The following MAP3K15 variants were observed in gnomAD, a reference collection of about 807,000 sequenced individuals.
The protein encoded by MAP3K15 is mitogen-activated protein kinase kinase kinase 15.
MAP3K15 carries 124 observed loss-of-function variants against 99.5 expected under a neutral mutation model. The ratio of observed to expected loss-of-function variants is 1.25; its 90% CI spans 1.08 to 1.45. The LOEUF is 1.45. Among genes scored for constraint, MAP3K15 ranks in the 40% most tolerant of loss-of-function variants. The pLI is 0.00. For synonymous variants in MAP3K15, 494 were observed against 439.6 expected (o/e 1.12, Z -1.55); for missense variants, 1,242 against 1,079.7 (o/e 1.15, Z -2.11).
At chrX:19,391,392 G>A (rs952482058) in intron 18 of MAP3K15, among the ~76,000 whole-genome samples, 2 of 111,167 alleles carry the variant, frequency 1.8e-5, no homozygotes, top group African/African-American at 6.6e-5. Flanking sequence ...CCTCAGCAGA[G>A]GCCAGGCGCG....
At chrX:19,456,129 A>G (rs1049234996) in intron 6 of MAP3K15, among the ~76,000 whole-genome samples, 1 of 111,228 alleles carries the variant, frequency 9.0e-6, no homozygotes, top group Non-Finnish European at 1.9e-5. Context: ...TGTCTACTAC[A>G]AGCACATGCT....
chrX:19,514,861 A>T, intron 1 of MAP3K15, 40 bp downstream of exon 1: 1 of 832,694 alleles, frequency 1.2e-6, no homozygotes, highest in Non-Finnish European at 1.6e-6. Context: ...GTGTGAGGGT[A>T]GGTGAACTGG....
At chrX:19,424,630 G>A (rs974402398) in intron 9 of MAP3K15, among the ~76,000 whole-genome samples, 9 of 110,240 alleles carry the variant, frequency 8.2e-5, no homozygotes, top group Non-Finnish European at 1.1e-4. Context: ...CCAGCAATCT[G>A]TGTTTTCTTT....
At position 19,431,540 on chromosome X, in the gene MAP3K15, T is replaced by G. The variant is rs1190731555; in HGVS notation, c.1064A>C (p.His355Pro). Residue 355 changes from histidine (H) to proline (P), a missense_variant, in exon 7 of 29, where the codon CAC (histidine) becomes CCC (proline). His to Pro is a moderately conservative substitution (Grantham distance 77). Coordinates refer to ENST00000338883, the MANE Select transcript of MAP3K15 (RefSeq NM_001001671.4). ...CAGGCAGAACATGTCGGGGCCCGGG[T>G]GATCACAGCTCTGCAGAACCTGGAG... Reference protein sequence around the residue: ...IMLQVLQSCDHPGPDMFCLCG... With the variant: ...IMLQVLQSCDPPGPDMFCLCG... 1 of 1,198,957 alleles carries G rather than the reference T, an allele frequency of 8.3e-7. No individual in the cohort carries two copies. Among genetic ancestry groups the G allele is most frequent in the East Asian group, 3.0e-5 (1 of 33,802 alleles).
At chrX:19,442,509 C>T (rs2063965962) in intron 6 of MAP3K15, among the ~76,000 whole-genome samples, 1 of 88,513 alleles carries the variant, frequency 1.1e-5, no homozygotes, top group South Asian at 6.5e-4. Flanking sequence ...TCTTCATTCA[C>T]TTACCCATTC....
intron 1 of MAP3K15, among the ~76,000 whole-genome samples, chrX:19,495,301 C>T (rs974361182): frequency 2.2e-4 from 25 of 112,079 alleles, no homozygotes; most frequent in African/African-American, 7.1e-4. Flanking sequence ...CATGAGCCAC[C>T]GCACCCAGCT....
rs557019222 is a variant in MAP3K15, at chrX:19,394,941, G to A, written c.2194+140C>T. The A allele has an allele frequency of 2.5e-4, 151 of 606,038 alleles. 1 individual carries two copies. In the South Asian group the frequency reaches 3.6e-3, roughly 14 times the overall value. The allele number at this position is 606,038 out of a possible 1,213,427, so 49.9% of individuals were successfully genotyped here. A position where few individuals can be genotyped will look rare whatever the true frequency, so the allele number is the denominator to read the frequency against. ...TGGGCTCAAGTGATCTTCCCATCTCGGCCTCCCAAGTAACTGGGACTACAG... is the reference window on the plus strand; with the variant it reads ...TGGGCTCAAGTGATCTTCCCATCTCAGCCTCCCAAGTAACTGGGACTACAG... On this transcript the variant is annotated intron_variant, in intron 16 of 28. Coordinates refer to ENST00000338883, the MANE Select transcript of MAP3K15 (RefSeq NM_001001671.4).
Position 19,395,148 on chromosome X carries a change from G to A in MAP3K15, c.2127C>T (p.Ile709=), listed in dbSNP as rs745656941. The part of the protein sequence containing the change: ...ALHKYLKHRN[I]VQYLGSVSEN... ...CTGAAACAGAGCCCAGGTACTGAAC[G>A]ATATTGCGGTGCTTAAGGTACTTGT... The change falls in exon 16 of 29, where the codon ATC becomes ATT. Residue 709 remains isoleucine, a synonymous_variant. Transcript: ENST00000338883. 6.6e-6 allele frequency: 8 copies of A among 1,206,040 alleles called. No individual in the cohort carries two copies. The Admixed American group carries it at 8.8e-5, about 13-fold the overall frequency.
At chrX:19,415,425 C>A (rs778780126) in intron 9 of MAP3K15, among the ~76,000 whole-genome samples, 168 bp from the exon 10 acceptor site, 3 of 112,222 alleles carry the variant, frequency 2.7e-5, no homozygotes, top group African/African-American at 9.7e-5. Context: ...TAAGAAAACA[C>A]GAGCAGTAGG....
At chrX:19,416,850 C>G (rs897371653) in intron 9 of MAP3K15, among the ~76,000 whole-genome samples, 1 of 112,070 alleles carries the variant, frequency 8.9e-6, no homozygotes, top group Non-Finnish European at 1.9e-5. Flanking sequence ...GCCCCTAACT[C>G]CCACATTGTT....
intron 4 of MAP3K15, among the ~76,000 whole-genome samples, chrX:19,463,860 A>G (rs1381538401): frequency 1.8e-5 from 2 of 110,714 alleles, no homozygotes; most frequent in Non-Finnish European, 3.8e-5. Context: ...ATGCTCAGAA[A>G]TCATCTTGAA....
chrX:19,461,339 C>A (rs2064131731), intron 4 of MAP3K15, among the ~76,000 whole-genome samples: 1 of 112,099 alleles, frequency 8.9e-6, no homozygotes, highest in Admixed American at 9.5e-5. Context: ...AAGTGATCCA[C>A]CTGCCTCAGC....
chrX:19,394,959 G>A, intron 16 of MAP3K15, 122 bp downstream of exon 16: 1 of 824,981 alleles, frequency 1.2e-6, no homozygotes, highest in South Asian at 2.4e-5. Flanking sequence ...AAGTAACTGG[G>A]ACTACAGGCG....
At chrX:19,443,654 G>A (rs903154053) in intron 6 of MAP3K15, among the ~76,000 whole-genome samples, 17 of 111,727 alleles carry the variant, frequency 1.5e-4, no homozygotes, top group South Asian at 3.7e-4. Flanking sequence ...ATGAGGGAAC[G>A]AGTATTCTGG....
chrX:19,491,598 CT>C (rs1300792218), intron 1 of MAP3K15, among the ~76,000 whole-genome samples: 1 of 111,126 alleles, frequency 9.0e-6, no homozygotes, highest in African/African-American at 3.3e-5. Flanking sequence ...ATATCACTTC[CT>C]GGGGCCACAA....
At chrX:19,391,674 C>CAAAAAAAAAAAAAAAAAAAAAAAAAA (rs759061873) in intron 18 of MAP3K15, among the ~76,000 whole-genome samples, 11 of 28,446 alleles carry the variant, frequency 3.9e-4, no homozygotes, top group Non-Finnish European at 5.7e-4. Flanking sequence ...GACCCCGTCT[C>CAAAAAAAAAAAAAAAAAAAAAAAAAA]AAAAAAAAAA....
chrX:19,489,824 T>C (rs1056406722), intron 1 of MAP3K15, among the ~76,000 whole-genome samples: 5 of 110,373 alleles, frequency 4.5e-5, no homozygotes, highest in African/African-American at 1.7e-4. Context: ...CCACCTGAGG[T>C]CAGGAGTTCG....
At chrX:19,425,718 G>T (rs1023295279) in intron 8 of MAP3K15, 28 bp from the exon 9 acceptor site, 3 of 1,161,154 alleles carry the variant, frequency 2.6e-6, no homozygotes, top group South Asian at 2.0e-5. Context: ...TTGATAGTCA[G>T]AATAATCTTT....
At chrX:19,427,194 C>A (rs2063839722) in intron 7 of MAP3K15, among the ~76,000 whole-genome samples, 1 of 108,836 alleles carries the variant, frequency 9.2e-6, no homozygotes, top group African/African-American at 3.4e-5. Context: ...GTCACCCAGG[C>A]TGGAGTGCAA....
Sources: allele counts gnomAD v4.1 joint callset (sites outside exome capture counted in the v4.1 genomes callset), GRCh38; gene constraint gnomAD v4.1.1; transcripts MANE v1.5; gene names NCBI Gene and HGNC (gene_info 2026-07-23, HGNC 2026-07-21).